GFRA3: variants seen among roughly 807,000 people sequenced by gnomAD.
GFRA3 encodes GDNF family receptor alpha-3.
Under a neutral mutation model 40.0 loss-of-function variants are expected in GFRA3, and 24 were observed. That is an observed-to-expected ratio of 0.60 (90% CI 0.43 to 0.84). The LOEUF is 0.84. GFRA3 is among the 40% of genes least tolerant of loss of function. GFRA3 has a pLI of 0.00. For synonymous variants in GFRA3, 203 were observed against 213.5 expected (o/e 0.95, Z 0.43); for missense variants, 405 against 530.6 (o/e 0.76, Z 2.33).
intron 4 of GFRA3, among the ~76,000 whole-genome samples, chr5:138,257,123 G>A (rs1305319548): frequency 2.6e-5 from 4 of 152,010 alleles, no homozygotes; most frequent in East Asian, 3.9e-4. Context: ...GGGACTAAAC[G>A]GAACCTTAGG....
At chr5:138,261,937 C>G (rs896623155) in intron 2 of GFRA3, among the ~76,000 whole-genome samples, 3 of 152,060 alleles carry the variant, frequency 2.0e-5, no homozygotes, top group African/African-American at 7.2e-5. Context: ...GGAAAAAAGA[C>G]TAAAGTAGTG....
intron 3 of GFRA3, among the ~76,000 whole-genome samples, chr5:138,258,221 G>C (rs4320254): frequency 1 from 134,727 of 135,400 alleles, 67,036 homozygotes; most frequent in Middle Eastern, 1. Flanking sequence ...GCTCTTGTTG[G>C]CCAAGCCGAA....
intron 4 of GFRA3, among the ~76,000 whole-genome samples, chr5:138,255,740 A>G (rs1439866188): frequency 2.0e-5 from 3 of 152,168 alleles, no homozygotes; most frequent in Non-Finnish European, 4.4e-5. Context: ...CTCTACTAAA[A>G]ATACAAAAAT....
Position 138,257,700 on chromosome 5 carries a change from G to A in GFRA3, c.724C>T (p.Pro242Ser). Residue 242 changes from proline to serine, a missense_variant, in exon 4 of 8, where the codon CCG (proline) becomes TCG (serine). Coordinates refer to ENST00000274721, the MANE Select transcript of GFRA3 (RefSeq NM_001496.4). ...RNTIAPNCAL[P>S]PVAPNCLELR... The stretch of plus-strand genomic sequence containing the variant: ...TCCAGGCAGTTGGGGGCCACAGGCG[G>A]CAGCGCGCAGTTGGGGGCGATGGTG... 6.2e-7 allele frequency: 1 copy of A among 1,609,956 alleles called. No individual in the cohort carries two copies. The highest frequency in any genetic ancestry group is 8.5e-7 in the Non-Finnish European group (1 of 1,179,046).
chr5:138,254,520 C>T (rs986514001), intron 4 of GFRA3, among the ~76,000 whole-genome samples: 4 of 152,124 alleles, frequency 2.6e-5, no homozygotes, highest in African/African-American at 9.7e-5. Context: ...AGGGTCCAGC[C>T]TGCAGCCTTC....
At position 138,252,817 on chromosome 5, in the gene GFRA3, A is replaced by T; in HGVS notation, c.*151T>A. The T allele has an allele frequency of 1.7e-6, 1 of 574,492 alleles. No homozygotes were observed. The highest frequency in any genetic ancestry group is 2.9e-5 in the East Asian group (1 of 34,092). 35.6% of individuals were successfully genotyped at this position (574,492 alleles called of 1,614,324 possible). A position where few individuals can be genotyped will look rare whatever the true frequency, so the allele number is the denominator to read the frequency against. ...GGGTGGAGGGAATGAGGACTGGACCAGTAAGGATCTGGAGGTCATAACCCT... is the reference window on the plus strand; with the variant it reads ...GGGTGGAGGGAATGAGGACTGGACCTGTAAGGATCTGGAGGTCATAACCCT... On this transcript the variant is annotated 3_prime_UTR_variant, in exon 8 of 8. Coordinates refer to ENST00000274721, the MANE Select transcript of GFRA3 (RefSeq NM_001496.4).
chr5:138,256,824 G>A (rs1239987757), intron 4 of GFRA3, among the ~76,000 whole-genome samples: 1 of 151,614 alleles, frequency 6.6e-6, no homozygotes, highest in Non-Finnish European at 1.5e-5. Flanking sequence ...GCACAAGCCT[G>A]TAGTCCTAGC....
intron 2 of GFRA3, among the ~76,000 whole-genome samples, chr5:138,261,639 AGCCAATATCAC>A (rs1755711646): frequency 7.1e-6 from 1 of 141,012 alleles, no homozygotes; most frequent in South Asian, 2.4e-4. Context: ...GGTTGCAGTG[AGCCAATATCAC>A]GCCACTGCAC....
chr5:138,263,020 A>G (rs971037686), intron 2 of GFRA3, among the ~76,000 whole-genome samples: 1 of 152,116 alleles, frequency 6.6e-6, no homozygotes, highest in Non-Finnish European at 1.5e-5. Flanking sequence ...GCTAGAGTGC[A>G]GTGGCGCAAT....
In GFRA3 at chr5:138,259,598, G is replaced by T; in HGVS notation, c.431C>A (p.Pro144His). The change falls in exon 3 of 8, where the codon CCC becomes CAC. Residue 144 changes from proline to histidine, a missense_variant. Physicochemically the swap from Pro to His is moderately conservative, Grantham distance 77. Coordinates refer to ENST00000274721, the MANE Select transcript of GFRA3 (RefSeq NM_001496.4). ...SPYEDTVTSK[P>H]WKMNLSKLNM... is the part of the protein sequence containing the mutation. ...CAGTTTGCTGAGATTCATTTTCCAG[G>T]GTTTGCTGGTCACTGTGTCTTCATA... 6.4e-7 allele frequency: 1 copy of T among 1,573,168 alleles called. No individual in the cohort carries two copies.
intron 5 of GFRA3, 44 bp from the exon 6 acceptor site, chr5:138,253,944 C>A: frequency 1.2e-6 from 2 of 1,602,598 alleles, no homozygotes; most frequent in Non-Finnish European, 8.5e-7. Context: ...CTAACCCTAA[C>A]TTTAGCTCCC....
Position 138,253,766 on chromosome 5 carries a change from T to A in GFRA3, c.1024A>T (p.Thr342Ser), listed in dbSNP as rs368851433. Residue 342 changes from threonine (T) to serine (S), a missense_variant and splice_region_variant, in exon 6 of 8, where the codon ACG (threonine) becomes TCG (serine). Coordinates refer to ENST00000274721, the MANE Select transcript of GFRA3 (RefSeq NM_001496.4). ...CTGGGAGCAAGTACAGCACACTCAC[T>A]GAGGCAGGGGTTGTGGGAGAAGAAC... Reference protein sequence around the residue: ...EGFFSHNPCLTEAIAAKMRFH... With the variant: ...EGFFSHNPCLSEAIAAKMRFH... 37 of 1,613,688 alleles carry A rather than the reference T, an allele frequency of 2.3e-5. No individual in the cohort carries two copies. The highest frequency in any genetic ancestry group is 3.0e-5 in the Non-Finnish European group (35 of 1,179,824).
rs762630539 is a variant in GFRA3 at position 138,264,316 on chromosome 5, C to T, written c.324G>A (p.Lys108=). ...LIGCMCHRRM[K]NQVACLDIYW... is the part of the protein sequence containing the mutation. ...AGATGTCCAAGCAGGCAACCTGGTTCTTCATGCGCCGGTGGCACATGCAGC... is the reference window on the plus strand; with the variant it reads ...AGATGTCCAAGCAGGCAACCTGGTTTTTCATGCGCCGGTGGCACATGCAGC... Residue 108 remains lysine (K), a synonymous_variant, in exon 2 of 8, where the codon AAG becomes AAA. Transcript: ENST00000274721. The T allele has an allele frequency of 6.2e-7, 1 of 1,612,712 alleles. No individual in the cohort carries two copies. The highest frequency in any genetic ancestry group is 1.1e-5 in the South Asian group (1 of 91,034).
At chr5:138,253,139 C>T (rs1263722296) in intron 7 of GFRA3, 82 bp from the exon 8 acceptor site, 4 of 883,088 alleles carry the variant, frequency 4.5e-6, no homozygotes, top group Non-Finnish European at 7.5e-6. Flanking sequence ...AGAGGTATTC[C>T]CCTTCCCCTG....
At chr5:138,270,997 AT>A (rs929684861) in intron 1 of GFRA3, among the ~76,000 whole-genome samples, 514 of 147,358 alleles carry the variant, frequency 3.5e-3, no homozygotes, top group African/African-American at 0.011. Context: ...ACTAAAAATA[AT>A]TTTTTTTTTT....
chr5:138,257,551 G>T, intron 4 of GFRA3, 88 bp downstream of exon 4: 2 of 1,161,642 alleles, frequency 1.7e-6, no homozygotes, highest in Non-Finnish European at 2.4e-6. Context: ...TCCCTGGGAG[G>T]GTCAGACCCT....
chr5:138,261,520 C>T (rs1755709521), intron 2 of GFRA3, among the ~76,000 whole-genome samples: 1 of 151,536 alleles, frequency 6.6e-6, no homozygotes, highest in Non-Finnish European at 1.5e-5. Flanking sequence ...ATGGTGAAAC[C>T]CCCTCTCTAC....
At chr5:138,267,299 G>A (rs1299015216) in intron 1 of GFRA3, 1 of 145,380 alleles carries the variant, frequency 6.9e-6, no homozygotes, top group African/African-American at 2.5e-5. Context: ...TCAAGTGATT[G>A]ACCTGCCTCA....
chr5:138,262,139 T>C (rs1755719853), intron 2 of GFRA3, among the ~76,000 whole-genome samples: 1 of 152,226 alleles, frequency 6.6e-6, no homozygotes, highest in African/African-American at 2.4e-5. Flanking sequence ...TGTGACTATT[T>C]GAGACTTAAA....
Sources: gnomAD v4.1 joint callset for allele counts (sites outside exome capture counted in the v4.1 genomes callset) on GRCh38, gnomAD v4.1.1 for gene constraint, MANE v1.5 for transcripts, NCBI Gene and HGNC (gene_info 2026-07-23, HGNC 2026-07-21) for gene names.